Variants in ZC3H12B observed in about 807,000 individuals in gnomAD.
ZC3H12B encodes the protein zinc finger CCCH-type containing 12B.
Under a neutral mutation model 43.9 loss-of-function variants are expected in ZC3H12B, and 7 were observed. That is an observed-to-expected ratio of 0.16 (90% CI 0.09 to 0.30). The LOEUF (loss-of-function observed/expected upper bound fraction) is 0.30. Ranked by LOEUF, ZC3H12B falls within the 10% of genes least tolerant of loss-of-function variation. The pLI is 1.00. For missense variants in ZC3H12B, 475 were observed against 670.2 expected (o/e 0.71, Z 3.22); for synonymous variants, 222 against 241.7 (o/e 0.92, Z 0.76).
At chrX:65,300,997 A>AAAT in the ZC3H12B span, among the ~76,000 whole-genome samples, 7 of 110,906 alleles carry the variant, frequency 6.3e-5, no homozygotes, top group African/African-American at 2.3e-4. Context: ...AAAAAAAAAA[A>AAAT]AATACCATCA....
the ZC3H12B span, among the ~76,000 whole-genome samples, chrX:65,156,127 C>T: frequency 9.0e-6 from 1 of 111,010 alleles, no homozygotes; most frequent in African/African-American, 3.3e-5. Context: ...ATCTTTATAA[C>T]CTCTGCAGAC....
upstream of ZC3H12B, among the ~76,000 whole-genome samples, chrX:65,362,882 G>A (rs759679537): frequency 4.5e-5 from 5 of 110,911 alleles, no homozygotes; most frequent in Non-Finnish European, 7.6e-5. Context: ...TATCCACCCC[G>A]TGGTGCCAAG....
Position 65,408,816 on chromosome X carries a change from C to A in ZC3H12B, n.407+10112C>A, listed in dbSNP as rs1328728775. 6 of 410,593 alleles carry A rather than the reference C, an allele frequency of 1.5e-5. No homozygotes were observed. The East Asian group carries it at 2.3e-4, about 16-fold the overall frequency. The allele number at this position is 410,593 out of a possible 1,213,427, so 33.8% of individuals were successfully genotyped here. A position where few individuals can be genotyped will look rare whatever the true frequency, so the allele number is the denominator to read the frequency against. ...AGCTTTCCACTGAAACACAGGTCACCCTGGAAGTTTGCAGGGTTTGCTGTG... is the reference window on the plus strand; with the variant it reads ...AGCTTTCCACTGAAACACAGGTCACACTGGAAGTTTGCAGGGTTTGCTGTG... On this transcript the variant is annotated intron_variant and non_coding_transcript_variant, in intron 3 of 5. Coordinates refer to the ZC3H12B transcript ENST00000617377.
chrX:65,500,477 C>A (rs987539036), intron 4 of ZC3H12B, among the ~76,000 whole-genome samples: 1 of 112,025 alleles, frequency 8.9e-6, no homozygotes, highest in African/African-American at 3.2e-5. Context: ...ACCTAGGCTG[C>A]AGTGCAGTGG....
At chrX:65,076,994 C>T in the ZC3H12B span, among the ~76,000 whole-genome samples, 1 of 111,312 alleles carries the variant, frequency 9.0e-6, no homozygotes, top group Admixed American at 9.5e-5. Context: ...TCCATTTTAT[C>T]GTGAATATTT....
chrX:65,333,140 T>C, the ZC3H12B span, among the ~76,000 whole-genome samples: 1 of 111,432 alleles, frequency 9.0e-6, no homozygotes, highest in Admixed American at 9.6e-5. Context: ...GTGACAATCT[T>C]TACTTACTAC....
the ZC3H12B span, among the ~76,000 whole-genome samples, chrX:65,256,045 C>T: frequency 8.9e-5 from 10 of 111,993 alleles, no homozygotes; most frequent in Non-Finnish European, 1.9e-4. Context: ...AACAAGTTCT[C>T]AGAATCCTAT....
At chrX:65,063,519 C>A in the ZC3H12B span, among the ~76,000 whole-genome samples, 20 of 112,079 alleles carry the variant, frequency 1.8e-4, no homozygotes, top group African/African-American at 2.3e-4. Flanking sequence ...CCAACTTGAT[C>A]GTGGTGGATA....
At chrX:65,493,340 G>T (rs1185839103) in intron 1 of ZC3H12B, among the ~76,000 whole-genome samples, 1 of 110,304 alleles carries the variant, frequency 9.1e-6, no homozygotes, top group Non-Finnish European at 1.9e-5. Context: ...CCGAGATTGC[G>T]CCACTACACT....
At chrX:65,254,124 G>T in the ZC3H12B span, among the ~76,000 whole-genome samples, 1 of 111,925 alleles carries the variant, frequency 8.9e-6, no homozygotes, top group Non-Finnish European at 1.9e-5. Context: ...CCATCTCAGT[G>T]CTTGCCAGCA....
the ZC3H12B span, among the ~76,000 whole-genome samples, chrX:65,117,332 G>C: frequency 8.9e-6 from 1 of 112,180 alleles, no homozygotes; most frequent in Admixed American, 9.4e-5. Flanking sequence ...ATTTTTTCAT[G>C]TCTCTGTTGG....
intron 3 of ZC3H12B, among the ~76,000 whole-genome samples, chrX:65,446,020 T>A (rs1602451469): frequency 1.8e-5 from 2 of 111,269 alleles, no homozygotes; most frequent in East Asian, 5.7e-4. Flanking sequence ...GCCTGGCTAC[T>A]GCTGATGTTT....
intron 3 of ZC3H12B, among the ~76,000 whole-genome samples, chrX:65,448,720 G>T (rs1326389555): frequency 9.2e-6 from 1 of 109,186 alleles, no homozygotes; most frequent in Admixed American, 1.0e-4. Flanking sequence ...GGGAGGCTGA[G>T]GAAGGAGAAT....
intron 3 of ZC3H12B, among the ~76,000 whole-genome samples, chrX:65,401,546 CTG>C (rs1467866835): frequency 8.9e-6 from 1 of 111,856 alleles, no homozygotes; most frequent in Non-Finnish European, 1.9e-5. Context: ...TAGGGCTAAA[CTG>C]AGCCCAGAGA....
intron 3 of ZC3H12B, among the ~76,000 whole-genome samples, chrX:65,399,410 G>A (rs1386877985): frequency 1.8e-5 from 2 of 112,045 alleles, no homozygotes; most frequent in African/African-American, 3.2e-5. Flanking sequence ...CATACACATG[G>A]AAAACAGGTG....
At chrX:65,121,148 G>A in the ZC3H12B span, among the ~76,000 whole-genome samples, 5 of 111,344 alleles carry the variant, frequency 4.5e-5, no homozygotes, top group Non-Finnish European at 1.9e-5. Flanking sequence ...TTGGTATCAG[G>A]ATGATGCTGG....
At chrX:65,239,902 C>T in the ZC3H12B span, among the ~76,000 whole-genome samples, 1 of 110,810 alleles carries the variant, frequency 9.0e-6, no homozygotes. Context: ...GAATATTGGC[C>T]CCCCATCTCT....
chrX:65,297,315 T>C, the ZC3H12B span, among the ~76,000 whole-genome samples: 2 of 110,995 alleles, frequency 1.8e-5, no homozygotes, highest in East Asian at 2.8e-4. Context: ...GGGTACAAAA[T>C]CAATGTACCT....
chrX:65,132,245 A>G, the ZC3H12B span, among the ~76,000 whole-genome samples: 1 of 112,001 alleles, frequency 8.9e-6, no homozygotes, highest in Non-Finnish European at 1.9e-5. Context: ...TAAGGTGCAG[A>G]TCCTGAACTA....
Sources: allele counts gnomAD v4.1 joint callset (sites outside exome capture counted in the v4.1 genomes callset), GRCh38; gene constraint gnomAD v4.1.1; transcripts MANE v1.5; gene names NCBI Gene and HGNC (gene_info 2026-07-23, HGNC 2026-07-21).